Variants in TYR observed in about 807,000 individuals in gnomAD.
TYR encodes the protein LB24-AB.
TYR carries 58 observed loss-of-function variants against 51.5 expected under a neutral mutation model. The observed-to-expected ratio is 1.13, with a 90% CI of 0.91 to 1.40. TYR has a LOEUF of 1.40. Among genes scored for constraint, TYR ranks in the 40% most tolerant of loss-of-function variants. The probability of loss-of-function intolerance (pLI) is 0.00; values close to 1 mark genes in which losing one functional copy is unlikely to be tolerated. For synonymous variants in TYR, 263 were observed against 235.2 expected, an observed-to-expected ratio of 1.12 and a Z score of -1.08; for missense variants, 732 against 647.4, an observed-to-expected ratio of 1.13 and a Z score of -1.42.
intron 3 of TYR, among the ~76,000 whole-genome samples, chr11:89,257,529 G>C (rs993797072): frequency 2.6e-5 from 4 of 151,794 alleles, no homozygotes; most frequent in Non-Finnish European, 5.9e-5. Context: ...TCTAAAGAGG[G>C]AATTATAAGA....
rs12786201 is a variant in TYR, at chr11:89,288,597, G to A, written c.1366+3643G>A. On this transcript the variant is annotated intron_variant, in intron 4 of 4. Transcript: ENST00000263321. Reference sequence around the variant, plus strand: ...AAATGCTTTAGAGTAATTTTCACACGGCTTTGAATTTACAAAGTTAATTTT... The same window carrying A: ...AAATGCTTTAGAGTAATTTTCACACAGCTTTGAATTTACAAAGTTAATTTT... Among the ~76,000 whole-genome samples, 7 of 152,000 alleles carry A rather than the reference G, an allele frequency of 4.6e-5. No homozygotes were observed. The East Asian group carries it at 9.7e-4, about 21-fold the overall frequency.
At chr11:89,198,332 T>C (rs1218913760) in intron 2 of TYR, among the ~76,000 whole-genome samples, 1 of 152,126 alleles carries the variant, frequency 6.6e-6, no homozygotes, top group African/African-American at 2.4e-5. Context: ...ATTCTAGTAA[T>C]TGGAAGGCTA....
intron 3 of TYR, among the ~76,000 whole-genome samples, chr11:89,228,791 T>A (rs1053112243): frequency 2.0e-5 from 3 of 152,152 alleles, no homozygotes; most frequent in Admixed American, 1.3e-4. Context: ...GTCTTAGATA[T>A]ATTAGGTTTT....
intron 2 of TYR, among the ~76,000 whole-genome samples, chr11:89,209,368 G>T (rs1360931880): frequency 1.3e-5 from 2 of 152,208 alleles, no homozygotes; most frequent in East Asian, 3.9e-4. Flanking sequence ...GACCTGGCAT[G>T]CTGGAGCTTG....
At chr11:89,179,367 G>T (rs978221117) in intron 1 of TYR, among the ~76,000 whole-genome samples, 8 of 152,136 alleles carry the variant, frequency 5.3e-5, no homozygotes, top group Admixed American at 5.2e-4. Context: ...AAAGTATGAA[G>T]ATCCTGAGGC....
chr11:89,205,765 G>C (rs12286618), intron 2 of TYR, among the ~76,000 whole-genome samples: 35,057 of 151,950 alleles, frequency 0.23, 4,327 homozygotes, highest in Non-Finnish European at 0.28. Context: ...AAGAAGAAGG[G>C]AAATGATAAA....
intron 3 of TYR, among the ~76,000 whole-genome samples, chr11:89,239,972 T>C (rs1450872256): frequency 6.6e-6 from 1 of 152,212 alleles, no homozygotes; most frequent in African/African-American, 2.4e-5. Flanking sequence ...TCTATCCTTA[T>C]GATAAACCAT....
Position 89,178,081 on chromosome 11 carries a change from G to C in TYR, c.128G>C (p.Arg43Thr). The change falls in exon 1 of 5, where the codon AGG (arginine) becomes ACG (threonine). Residue 43 changes from arginine to threonine, a missense_variant. Physicochemically the swap from Arg to Thr is moderately conservative, Grantham distance 71. Transcript: ENST00000263321. Reference protein sequence around the residue: ...KECCPPWSGDRSPCGQLSGRG... With the variant: ...KECCPPWSGDTSPCGQLSGRG... ...TGCTGTCCACCGTGGAGCGGGGACAGGAGTCCCTGTGGCCAGCTTTCAGGC... is the reference window on the plus strand; with the variant it reads ...TGCTGTCCACCGTGGAGCGGGGACACGAGTCCCTGTGGCCAGCTTTCAGGC... 6.2e-7 allele frequency: 1 copy of C among 1,614,206 alleles called. No individual in the cohort carries two copies. The highest frequency in any genetic ancestry group is 8.5e-7 in the Non-Finnish European group (1 of 1,180,036).
At chr11:89,279,442 T>C (rs1349074635) in intron 3 of TYR, among the ~76,000 whole-genome samples, 2 of 151,662 alleles carry the variant, frequency 1.3e-5, no homozygotes, top group African/African-American at 4.8e-5. Context: ...CAGGGCTTAC[T>C]GGGTTGTTTC....
Position 89,177,994 on chromosome 11 carries a change from A to G in TYR, c.41A>G (p.Gln14Arg). The G allele has an allele frequency of 6.2e-7, 1 of 1,614,182 alleles. No individual in the cohort carries two copies. Among genetic ancestry groups the G allele is most frequent in the Non-Finnish European group, 8.5e-7 (1 of 1,180,022 alleles). ...TTGTACTGCCTGCTGTGGAGTTTCCAGACCTCCGCTGGCCATTTCCCTAGA... is the reference window on the plus strand; with the variant it reads ...TTGTACTGCCTGCTGTGGAGTTTCCGGACCTCCGCTGGCCATTTCCCTAGA... ...AVLYCLLWSF[Q>R]TSAGHFPRAC... The change falls in exon 1 of 5, where the codon CAG becomes CGG. Residue 14 changes from glutamine to arginine, a missense_variant. By Grantham distance (43) the Gln-to-Arg change is conservative (BLOSUM62 1). Transcript: ENST00000263321.
chr11:89,266,489 C>G (rs1330271725), intron 3 of TYR, among the ~76,000 whole-genome samples: 2 of 151,858 alleles, frequency 1.3e-5, no homozygotes, highest in African/African-American at 4.8e-5. Context: ...TTAGCCCCAT[C>G]ATATGTATTG....
At chr11:89,295,108 A>G (rs1565426858) in intron 4 of TYR, 35 bp from the exon 5 acceptor site, 6 of 1,609,904 alleles carry the variant, frequency 3.7e-6, no homozygotes, top group Admixed American at 1.7e-5. Flanking sequence ...CAATGGTGGT[A>G]ACAATAAAAA....
intron 3 of TYR, among the ~76,000 whole-genome samples, chr11:89,274,735 T>G (rs1944631820): frequency 6.6e-6 from 1 of 151,866 alleles, no homozygotes; most frequent in Non-Finnish European, 1.5e-5. Flanking sequence ...AAGGCCAAAG[T>G]TAGGATGCCT....
At chr11:89,226,041 T>A (rs1331929325) in intron 2 of TYR, among the ~76,000 whole-genome samples, 1 of 151,682 alleles carries the variant, frequency 6.6e-6, no homozygotes, top group Non-Finnish European at 1.5e-5. Flanking sequence ...AAAAATCAGT[T>A]TGGGACCTAC....
rs143950734 is a variant in TYR, at chr11:89,248,117, G to C, written c.1184+20147G>C. On this transcript the variant is annotated intron_variant, in intron 3 of 4. Coordinates refer to ENST00000263321, the MANE Select transcript of TYR (RefSeq NM_000372.5). ...CCTTCTTTTTCTCAGCCATAAAATG[G>C]TGCTAATATTTGTAGCCATCTAAAG... 1.8e-4 allele frequency among the ~76,000 whole-genome samples: 28 copies of C among 152,076 alleles called. 1 individual carries two copies. In the East Asian group the frequency reaches 5.2e-3, roughly 28 times the overall value.
At chr11:89,231,155 G>T (rs944455923) in intron 3 of TYR, among the ~76,000 whole-genome samples, 8 of 144,576 alleles carry the variant, frequency 5.5e-5, no homozygotes, top group African/African-American at 2.1e-4. Context: ...TGAGTGACAG[G>T]GTGAGACTTC....
chr11:89,199,166 T>G (rs966613135), intron 2 of TYR, among the ~76,000 whole-genome samples: 6 of 152,280 alleles, frequency 3.9e-5, no homozygotes, highest in South Asian at 2.1e-4. Context: ...ATCATTGTTG[T>G]ACATTTGGGT....
At chr11:89,225,669 A>G (rs1003133972) in intron 2 of TYR, among the ~76,000 whole-genome samples, 1 of 151,998 alleles carries the variant, frequency 6.6e-6, no homozygotes, top group East Asian at 1.9e-4. Context: ...TGGTGGATAC[A>G]TTTTTTGAAA....
At chr11:89,265,545 A>G (rs1279538669) in intron 3 of TYR, among the ~76,000 whole-genome samples, 1 of 152,054 alleles carries the variant, frequency 6.6e-6, no homozygotes, top group Non-Finnish European at 1.5e-5. Flanking sequence ...AAATTTCAAA[A>G]TGTTCACTAT....
Sources: allele counts gnomAD v4.1 joint callset (sites outside exome capture counted in the v4.1 genomes callset), GRCh38; gene constraint gnomAD v4.1.1; transcripts MANE v1.5; gene names NCBI Gene and HGNC (gene_info 2026-07-23, HGNC 2026-07-21).